Variants in GALNT18 observed in about 807,000 individuals in gnomAD.
GALNT18 encodes the protein polypeptide N-acetylgalactosaminyltransferase 18.
A neutral mutation model predicts 69.5 loss-of-function variants in GALNT18; 44 were observed. The ratio of observed to expected loss-of-function variants is 0.63; its 90% CI spans 0.50 to 0.81. The LOEUF (loss-of-function observed/expected upper bound fraction) is 0.81. Among genes scored for constraint, GALNT18 ranks in the 40% least tolerant of loss-of-function variants. The pLI is 0.00. For synonymous variants in GALNT18, 364 were observed against 318.2 expected, an observed-to-expected ratio of 1.14 and a Z score of -1.53; for missense variants, 715 against 810.0, an observed-to-expected ratio of 0.88 and a Z score of 1.42.
intron 1 of GALNT18, among the ~76,000 whole-genome samples, chr11:11,489,888 G>A (rs1174347328): frequency 6.6e-6 from 1 of 152,160 alleles, no homozygotes; most frequent in African/African-American, 2.4e-5. Context: ...ACGGTGGTCA[G>A]AGCTGGGATT....
rs1859702152 is a variant in GALNT18, at chr11:11,604,506, A to C, written c.235+16853T>G. 1.3e-5 allele frequency among the ~76,000 whole-genome samples: 2 copies of C among 152,170 alleles called. No homozygotes were observed. The highest frequency in any genetic ancestry group is 4.2e-4 in the South Asian group (2 of 4,808). ...GGCAGCTTCTGGCAACACCAGTAAG[A>C]GGCAGCACCAGGATTTGAGGCAAGT... is the stretch of plus-strand genomic sequence containing the variant. On this transcript the variant is annotated intron_variant, in intron 1 of 10. Transcript: ENST00000227756. The surrounding 1 kb of genome is among the most constrained non-coding windows in gnomAD (Gnocchi z 5.6).
At chr11:11,272,489 C>A (rs1250165364) in intron 10 of GALNT18, among the ~76,000 whole-genome samples, 1 of 151,536 alleles carries the variant, frequency 6.6e-6, no homozygotes, top group East Asian at 1.9e-4. Flanking sequence ...CTGAAGGCCT[C>A]CATGGCTCAG....
intron 3 of GALNT18, among the ~76,000 whole-genome samples, chr11:11,420,614 G>A (rs1410854048): frequency 6.6e-6 from 1 of 152,206 alleles, no homozygotes; most frequent in Non-Finnish European, 1.5e-5. Flanking sequence ...GAGGACCCTG[G>A]CATACAAGGA....
intron 1 of GALNT18, among the ~76,000 whole-genome samples, chr11:11,458,641 C>T (rs900180430): frequency 1.3e-5 from 2 of 152,226 alleles, no homozygotes; most frequent in Admixed American, 6.5e-5. Flanking sequence ...CCAGTTCACC[C>T]GAGCACTGCT....
rs750010154 is a variant in GALNT18 at position 11,293,210 on chromosome 11, G to A, written c.1513-17C>T. 2 of 1,317,490 alleles carry A rather than the reference G, an allele frequency of 1.5e-6. No individual in the cohort carries two copies. Among genetic ancestry groups the A allele is most frequent in the Non-Finnish European group, 2.0e-6 (2 of 1,024,128 alleles). 81.6% of individuals were successfully genotyped at this position (1,317,490 alleles called of 1,614,324 possible). A position where few individuals can be genotyped will look rare whatever the true frequency, so the allele number is the denominator to read the frequency against. On this transcript the variant is annotated splice_polypyrimidine_tract_variant and intron_variant, in intron 9 of 10. Coordinates refer to ENST00000227756, the MANE Select transcript of GALNT18 (RefSeq NM_198516.3). ...GTACACGTTCTGGGGGCGGAGGGAG[G>A]GAGAGAGTGTGGATAAATGCCAATG...
rs995728182 is a variant in GALNT18, at chr11:11,469,432, G to T, written c.236-20496C>A. Among the ~76,000 whole-genome samples, 1 of 152,174 alleles carries T rather than the reference G, an allele frequency of 6.6e-6. No homozygotes were observed. Among genetic ancestry groups the T allele is most frequent in the African/African-American group, 2.4e-5 (1 of 41,448 alleles). Reference sequence around the variant, plus strand: ...TACAGGGTCCAGTACAGATCTCCATGGCAGAGACAGGCTGCTGCAGGGCTC... The same window carrying T: ...TACAGGGTCCAGTACAGATCTCCATTGCAGAGACAGGCTGCTGCAGGGCTC... On this transcript the variant is annotated intron_variant, in intron 1 of 10. Transcript: ENST00000227756. This position sits in a 1 kb window ranked among gnomAD's most constrained non-coding sequence, Gnocchi z 4.2.
intron 1 of GALNT18, among the ~76,000 whole-genome samples, chr11:11,539,217 G>A (rs1857852997): frequency 6.6e-6 from 1 of 152,280 alleles, no homozygotes; most frequent in South Asian, 2.1e-4. Context: ...GTGCCAGTAA[G>A]GCGCCCTTCC....
rs1353351056 is a variant in GALNT18, at chr11:11,469,280, G to A, written c.236-20344C>T. On this transcript the variant is annotated intron_variant, in intron 1 of 10. Coordinates refer to ENST00000227756, the MANE Select transcript of GALNT18 (RefSeq NM_198516.3). The surrounding 1 kb of genome is among the most constrained non-coding windows in gnomAD (Gnocchi z 4.2). ...ACCATGGTACCAGACTGTTCCCAGG[G>A]ACTTCACAGAGGGAGCAGATGAAAG... Among the ~76,000 whole-genome samples the A allele has an allele frequency of 6.6e-6, 1 of 152,178 alleles. No homozygotes were observed. Among genetic ancestry groups the A allele is most frequent in the Admixed American group, 6.5e-5 (1 of 15,278 alleles).
intron 3 of GALNT18, among the ~76,000 whole-genome samples, chr11:11,429,470 G>A (rs1168567161): frequency 6.6e-6 from 1 of 152,106 alleles, no homozygotes; most frequent in Non-Finnish European, 1.5e-5. Context: ...TTCCCCTCTG[G>A]GGCTCCCGCC....
chr11:11,375,556 T>C (rs1048154498), intron 5 of GALNT18, among the ~76,000 whole-genome samples: 1 of 152,142 alleles, frequency 6.6e-6, no homozygotes, highest in African/African-American at 2.4e-5. Flanking sequence ...CAGTGGACAA[T>C]AAGAGGGGTG....
At chr11:11,282,099 AAC>A (rs111227866) in intron 10 of GALNT18, among the ~76,000 whole-genome samples, 2 of 152,164 alleles carry the variant, frequency 1.3e-5, no homozygotes, top group African/African-American at 4.8e-5. Flanking sequence ...AAACTTTTAA[AAC>A]AGAGATAGCA....
rs117654646 is a variant in GALNT18 at position 11,341,753 on chromosome 11, G to T, written c.1093-749C>A. Among the ~76,000 whole-genome samples, 1,020 of 152,176 alleles carry T rather than the reference G, an allele frequency of 6.7e-3. 6 individuals are homozygous for T. The highest frequency in any genetic ancestry group is 0.012 in the Non-Finnish European group (793 of 68,010). On this transcript the variant is annotated intron_variant, in intron 6 of 10. Coordinates refer to ENST00000227756, the MANE Select transcript of GALNT18 (RefSeq NM_198516.3). This position sits in a 1 kb window ranked among gnomAD's most constrained non-coding sequence, Gnocchi z 6.3. ...GCACTCTTTTGTGCTTCTAGGCTTT[G>T]CTCCATTCTGCTGGTAATTTTAGAA...
intron 3 of GALNT18, among the ~76,000 whole-genome samples, chr11:11,429,377 C>T (rs1361214089): frequency 6.6e-6 from 1 of 152,244 alleles, no homozygotes; most frequent in Non-Finnish European, 1.5e-5. Flanking sequence ...TCGGTTCTTT[C>T]CTCTGCCCTT....
chr11:11,537,222 G>T (rs199648199), intron 1 of GALNT18, among the ~76,000 whole-genome samples: 2 of 42,422 alleles, frequency 4.7e-5, no homozygotes, highest in Admixed American at 3.2e-4. Context: ...ACAGTTAATC[G>T]GGGTGGAGCT....
chr11:11,324,717 T>G (rs1179583711), intron 9 of GALNT18, among the ~76,000 whole-genome samples: 1 of 152,212 alleles, frequency 6.6e-6, no homozygotes, highest in Admixed American at 6.5e-5. Flanking sequence ...TTGAGAATTG[T>G]CTATTCATGT....
At chr11:11,544,352 C>A (rs1217868374) in intron 1 of GALNT18, among the ~76,000 whole-genome samples, 1 of 152,194 alleles carries the variant, frequency 6.6e-6, no homozygotes, top group Non-Finnish European at 1.5e-5. Context: ...CACTCTGATA[C>A]CTGCTAAGTT....
chr11:11,272,063 G>A (rs11021740), intron 10 of GALNT18, among the ~76,000 whole-genome samples: 31,399 of 152,054 alleles, frequency 0.21, 3,334 homozygotes, highest in South Asian at 0.25. Context: ...CTAGACTTTG[G>A]CCTCCCAAGC....
intron 1 of GALNT18, among the ~76,000 whole-genome samples, chr11:11,536,674 C>T (rs570869075): frequency 6.6e-6 from 1 of 152,082 alleles, no homozygotes; most frequent in South Asian, 2.1e-4. Flanking sequence ...ACCTCCTGGT[C>T]CCTGCATGCC....
At chr11:11,466,320 T>C (rs1022839561) in intron 1 of GALNT18, among the ~76,000 whole-genome samples, 2 of 152,272 alleles carry the variant, frequency 1.3e-5, no homozygotes, top group Admixed American at 6.5e-5. Flanking sequence ...CCTCCTTTCA[T>C]GTTACTTGAA....
Sources: gnomAD v4.1 joint callset for allele counts (sites outside exome capture counted in the v4.1 genomes callset) on GRCh38, gnomAD v4.1.1 for gene constraint, Gnocchi (gnomAD v3.1) non-coding constraint, MANE v1.5 for transcripts, NCBI Gene and HGNC (gene_info 2026-07-23, HGNC 2026-07-21) for gene names.